The following SDK2 variants were observed in gnomAD, a reference collection of about 807,000 sequenced individuals.
The protein encoded by SDK2 is sidekick cell adhesion molecule 2, also known as protein sidekick-2.
SDK2 carries 105 observed loss-of-function variants against 253.9 expected under a neutral mutation model. The observed-to-expected ratio is 0.41, with a 90% CI of 0.35 to 0.49. The LOEUF (loss-of-function observed/expected upper bound fraction) is 0.49, where lower values mean the gene tolerates loss of function less well. Ranked by LOEUF, SDK2 falls within the 20% of genes least tolerant of loss-of-function variation. The pLI, the probability that SDK2 is intolerant of heterozygous loss-of-function variation, is 0.06. For synonymous variants in SDK2, 1,249 were observed against 1,234.9 expected (o/e 1.01, Z -0.24); for missense variants, 2,608 against 3,003.0 (o/e 0.87, Z 3.07).
At chr17:73,506,737 C>T (rs550926610) in intron 2 of SDK2, among the ~76,000 whole-genome samples, 19 of 152,222 alleles carry the variant, frequency 1.2e-4, no homozygotes, top group Non-Finnish European at 2.5e-4. Context: ...AGTGCCTGCC[C>T]CAGTCTGTGG....
At chr17:73,368,621 A>AG in intron 36 of SDK2, 28 bp from the exon 37 acceptor site, 1 of 1,508,234 alleles carries the variant, frequency 6.6e-7, no homozygotes, top group Non-Finnish European at 8.9e-7. Context: ...TGTGGGAGTG[A>AG]GGGGGACAGG....
intron 12 of SDK2, among the ~76,000 whole-genome samples, chr17:73,428,203 T>TG (rs1340352864): frequency 4.6e-5 from 7 of 152,150 alleles, no homozygotes; most frequent in African/African-American, 1.7e-4. Flanking sequence ...ACGCCTGTAA[T>TG]CCTAGCACTT....
At chr17:73,528,519 G>A (rs2064143892) in intron 1 of SDK2, among the ~76,000 whole-genome samples, 1 of 152,166 alleles carries the variant, frequency 6.6e-6, no homozygotes, top group Non-Finnish European at 1.5e-5. Flanking sequence ...GAGCAGTGGA[G>A]GGATTCACAC....
intron 1 of SDK2, among the ~76,000 whole-genome samples, chr17:73,595,035 A>G (rs2045735628): frequency 6.6e-6 from 1 of 152,182 alleles, no homozygotes; most frequent in Non-Finnish European, 1.5e-5. Context: ...TCAGAACGCC[A>G]TCACCACGAG....
chr17:73,343,243 G>A (rs1029825680), intron 44 of SDK2, among the ~76,000 whole-genome samples: 3 of 152,270 alleles, frequency 2.0e-5, no homozygotes, highest in Admixed American at 6.5e-5. Context: ...GGCACTAGAA[G>A]GGAGAGCAGG....
At chr17:73,457,250 C>A (rs2063532591) in intron 3 of SDK2, among the ~76,000 whole-genome samples, 1 of 62,356 alleles carries the variant, frequency 1.6e-5, no homozygotes, top group African/African-American at 8.6e-5. Context: ...TTCCTTCCTT[C>A]CTTCCTTCCT....
At position 73,481,436 on chromosome 17, in the gene SDK2, T is replaced by C. The variant is rs544719057; in HGVS notation, c.225-9218A>G. Among the ~76,000 whole-genome samples, 9 of 152,208 alleles carry C rather than the reference T, an allele frequency of 5.9e-5. No homozygotes were observed. Among genetic ancestry groups the C allele is most frequent in the Admixed American group, 2.0e-4 (3 of 15,288 alleles). On this transcript the variant is annotated intron_variant, in intron 2 of 44. Transcript: ENST00000392650. The surrounding 1 kb of genome is among the most constrained non-coding windows in gnomAD (Gnocchi z 4.5). ...GCCTGCCCAGACAGCTGGTAAAGGA[T>C]GGTCTGGGTGTGTCTGTGAGGGTGT... is the stretch of plus-strand genomic sequence containing the variant.
chr17:73,557,555 A>G (rs1202230439), intron 1 of SDK2, among the ~76,000 whole-genome samples: 1 of 152,060 alleles, frequency 6.6e-6, no homozygotes, highest in East Asian at 1.9e-4. Context: ...TGCCTACCTC[A>G]GCTTCCCAAA....
intron 1 of SDK2, among the ~76,000 whole-genome samples, chr17:73,544,146 A>G (rs1358049983): frequency 6.6e-6 from 1 of 152,242 alleles, no homozygotes; most frequent in East Asian, 1.9e-4. Context: ...CCCTGTATGT[A>G]CAAAGAGGCT....
intron 1 of SDK2, among the ~76,000 whole-genome samples, chr17:73,537,048 G>T (rs1316296193): frequency 6.6e-6 from 1 of 152,230 alleles, no homozygotes; most frequent in East Asian, 1.9e-4. Flanking sequence ...TGGGGACTGT[G>T]AGGATGGATC....
chr17:73,485,646 C>T (rs1242734539), intron 2 of SDK2, among the ~76,000 whole-genome samples: 2 of 152,226 alleles, frequency 1.3e-5, no homozygotes, highest in East Asian at 3.8e-4. Context: ...AGAGTTCACA[C>T]ATTTTTAGCA....
rs150065416 is a variant in SDK2 at position 73,379,255 on chromosome 17, G to A, written c.4902C>T (p.Gly1634=). The A allele has an allele frequency of 1.1e-5, 17 of 1,556,188 alleles. No homozygotes were observed. The East Asian group carries it at 3.2e-4, about 29-fold the overall frequency. The change falls in exon 36 of 45, where the codon GGC becomes GGT. Residue 1634 remains glycine (G), a synonymous_variant. Coordinates refer to ENST00000392650, the MANE Select transcript of SDK2 (RefSeq NM_001144952.2). This position sits in a 1 kb window ranked among gnomAD's most constrained non-coding sequence, Gnocchi z 4.5. ...TCACGTCCAGCTGTGTGGCCGTGGC[G>A]CCGTGGACGACCACGTTACGAGGTG... ...TAAPRNVVVH[G]ATATQLDVTW...
intron 3 of SDK2, among the ~76,000 whole-genome samples, chr17:73,464,765 C>T (rs1275843004): frequency 1.3e-5 from 2 of 152,152 alleles, no homozygotes; most frequent in African/African-American, 4.8e-5. Flanking sequence ...CAATGGCCAC[C>T]CTCCACCATC....
At chr17:73,484,814 C>A (rs2063759991) in intron 2 of SDK2, among the ~76,000 whole-genome samples, 1 of 152,340 alleles carries the variant, frequency 6.6e-6, no homozygotes, top group East Asian at 1.9e-4. Flanking sequence ...GGTTTCTCTC[C>A]TCCCCCACTT....
intron 38 of SDK2, among the ~76,000 whole-genome samples, chr17:73,363,046 C>A (rs2062654553): frequency 1.3e-5 from 2 of 152,190 alleles, no homozygotes; most frequent in Non-Finnish European, 2.9e-5. Context: ...AATAACAGAG[C>A]ATGTAGGTGC....
chr17:73,416,985 G>A (rs375666308), intron 16 of SDK2, among the ~76,000 whole-genome samples: 9 of 152,240 alleles, frequency 5.9e-5, no homozygotes, highest in East Asian at 3.9e-4. Flanking sequence ...TAGAAACATT[G>A]AAAAAATTAA....
At position 73,395,490 on chromosome 17, in the gene SDK2, G is replaced by T; in HGVS notation, c.3355-98C>A. 3 of 912,680 alleles carry T rather than the reference G, an allele frequency of 3.3e-6. No homozygotes were observed. Among genetic ancestry groups the T allele is most frequent in the East Asian group, 2.6e-5 (1 of 38,488 alleles). 56.5% of individuals were successfully genotyped at this position (912,680 alleles called of 1,614,324 possible). On this transcript the variant is annotated intron_variant, in intron 24 of 44. Transcript: ENST00000392650. This position sits in a 1 kb window ranked among gnomAD's most constrained non-coding sequence, Gnocchi z 4.3. ...ACCCTCTCCTCCAGGGCGCCTTCAG[G>T]GCTATCCATCCCACTGTCACCCGGT...
chr17:73,587,745 C>CGCT (rs2045621858), intron 1 of SDK2, among the ~76,000 whole-genome samples: 1 of 152,214 alleles, frequency 6.6e-6, no homozygotes, highest in African/African-American at 2.4e-5. Context: ...CCCTCAGGCC[C>CGCT]GCTTCTCTGG....
At position 73,609,116 on chromosome 17, in the gene SDK2, T is replaced by C. The variant is rs1218626404; in HGVS notation, c.64+34909A>G. 2.6e-5 allele frequency among the ~76,000 whole-genome samples: 4 copies of C among 152,282 alleles called. No individual in the cohort carries two copies. In the East Asian group the frequency reaches 5.8e-4, roughly 22 times the overall value. ...GGAAGGCCGCTGGAGGAAAGCCTTT[T>C]TGGGGAAGATCAGGAGTTTGCAAGA... On this transcript the variant is annotated intron_variant, in intron 1 of 44. Coordinates refer to ENST00000392650, the MANE Select transcript of SDK2 (RefSeq NM_001144952.2). The surrounding 1 kb of genome is among the most constrained non-coding windows in gnomAD (Gnocchi z 4.4).
Sources: gnomAD v4.1 joint callset for allele counts (sites outside exome capture counted in the v4.1 genomes callset) on GRCh38, gnomAD v4.1.1 for gene constraint, Gnocchi (gnomAD v3.1) non-coding constraint, MANE v1.5 for transcripts, NCBI Gene and HGNC (gene_info 2026-07-23, HGNC 2026-07-21) for gene names.